The following MAP7 variants were observed in gnomAD, a reference collection of about 807,000 sequenced individuals.
The protein encoded by MAP7 is ensconsin.
In MAP7, 52 loss-of-function variants were observed where a neutral mutation model predicts 94.8. The ratio of observed to expected loss-of-function variants is 0.55; its 90% CI spans 0.44 to 0.69. The LOEUF (loss-of-function observed/expected upper bound fraction) is 0.69, where lower values mean the gene tolerates loss of function less well. Among genes scored for constraint, MAP7 ranks in the 30% least tolerant of loss-of-function variants. The pLI, the probability that MAP7 is intolerant of heterozygous loss-of-function variation, is 0.00. For synonymous variants in MAP7, 350 were observed against 357.0 expected (o/e 0.98, Z 0.22); for missense variants, 940 against 964.6 (o/e 0.97, Z 0.34).
intron 1 of MAP7, among the ~76,000 whole-genome samples, chr6:136,509,879 C>T (rs1434951937): frequency 6.6e-6 from 1 of 152,166 alleles, no homozygotes; most frequent in East Asian, 1.9e-4. Context: ...AAAACATCCT[C>T]AATATTCATA....
chr6:136,431,105 C>T (rs1415553951), intron 1 of MAP7, among the ~76,000 whole-genome samples: 1 of 152,150 alleles, frequency 6.6e-6, no homozygotes, highest in African/African-American at 2.4e-5. Context: ...GAATTCAATC[C>T]ATTTATAGTA....
intron 1 of MAP7, among the ~76,000 whole-genome samples, chr6:136,466,064 T>TG (rs1381674860): frequency 2.0e-5 from 3 of 152,202 alleles, no homozygotes; most frequent in African/African-American, 7.2e-5. Context: ...AAAGTTCCAA[T>TG]GCTTGTATTT....
At chr6:136,388,764 C>T (rs775573870) in intron 4 of MAP7, among the ~76,000 whole-genome samples, 12 of 152,094 alleles carry the variant, frequency 7.9e-5, no homozygotes, top group Non-Finnish European at 1.6e-4. Flanking sequence ...CTAGGGTGTG[C>T]GTGATGCTTT....
intron 1 of MAP7, among the ~76,000 whole-genome samples, chr6:136,458,683 A>G (rs531834968): frequency 3.0e-4 from 45 of 152,270 alleles, no homozygotes; most frequent in African/African-American, 1.0e-3. Context: ...CAGTCTCTTT[A>G]ACAAATAATG....
At chr6:136,411,593 G>C in intron 3 of MAP7, 27 bp downstream of exon 3, 3 of 1,548,840 alleles carry the variant, frequency 1.9e-6, no homozygotes, top group South Asian at 1.2e-5. Context: ...ATTCAAATCA[G>C]GGCCATGGAC....
chr6:136,505,969 T>G (rs1821390062), intron 1 of MAP7, among the ~76,000 whole-genome samples: 1 of 152,124 alleles, frequency 6.6e-6, no homozygotes, highest in Non-Finnish European at 1.5e-5. Context: ...AACATGCTGA[T>G]GTAACAAAAC....
chr6:136,396,869 T>C (rs1782630730), intron 3 of MAP7, among the ~76,000 whole-genome samples: 1 of 152,224 alleles, frequency 6.6e-6, no homozygotes, highest in Non-Finnish European at 1.5e-5. Context: ...TAGCTATTGT[T>C]GTTTTTGTCG....
chr6:136,470,468 G>T (rs1808598039), intron 1 of MAP7, among the ~76,000 whole-genome samples: 2 of 151,836 alleles, frequency 1.3e-5, no homozygotes, highest in South Asian at 4.2e-4. Flanking sequence ...TTATCATTTT[G>T]TGTGTGTGGT....
intron 1 of MAP7, among the ~76,000 whole-genome samples, chr6:136,508,795 T>C (rs566392515): frequency 6.6e-6 from 1 of 152,236 alleles, no homozygotes; most frequent in Admixed American, 6.5e-5. Flanking sequence ...GAAACTGAAA[T>C]AGGAAATTTA....
At chr6:136,505,269 G>GTATA (rs1201954440) in intron 1 of MAP7, among the ~76,000 whole-genome samples, 49 of 99,430 alleles carry the variant, frequency 4.9e-4, no homozygotes, top group African/African-American at 2.2e-3. Context: ...GTGTGTGTGT[G>GTATA]TGTGTGTGTA....
At chr6:136,384,178 G>A (rs1471024110) in intron 5 of MAP7, among the ~76,000 whole-genome samples, 5 of 152,092 alleles carry the variant, frequency 3.3e-5, no homozygotes, top group South Asian at 2.1e-4. Context: ...AACATAGAAC[G>A]CAAACACTGG....
chr6:136,416,370 T>G (rs1305100967), intron 2 of MAP7, among the ~76,000 whole-genome samples: 1 of 152,186 alleles, frequency 6.6e-6, no homozygotes, highest in Non-Finnish European at 1.5e-5. Flanking sequence ...AAATTTATCT[T>G]TAAAGGTAGG....
chr6:136,522,088 T>C (rs1826544147), intron 1 of MAP7, among the ~76,000 whole-genome samples: 1 of 152,222 alleles, frequency 6.6e-6, no homozygotes, highest in Admixed American at 6.5e-5. Flanking sequence ...TAATAATCGC[T>C]GTGCTCAGCA....
rs943848697 is a variant in MAP7 at position 136,431,631 on chromosome 6, C to T, written c.68-9832G>A. On this transcript the variant is annotated intron_variant, in intron 1 of 17. Transcript: ENST00000354570. ...CTCCTGGATTCAAGTGATTCTCCCG[C>T]CTTAGCCTCCCGAGTAGCTGGGACT... 2.0e-5 allele frequency among the ~76,000 whole-genome samples: 3 copies of T among 152,054 alleles called. 1 individual carries two copies. Among genetic ancestry groups the T allele is most frequent in the South Asian group, 4.1e-4 (2 of 4,836 alleles).
chr6:136,465,352 C>T (rs1225113021), intron 1 of MAP7, among the ~76,000 whole-genome samples: 1 of 152,124 alleles, frequency 6.6e-6, no homozygotes. Flanking sequence ...TACTGAGTAA[C>T]CTCTATTTCA....
At chr6:136,484,644 C>T (rs3778308) in intron 1 of MAP7, among the ~76,000 whole-genome samples, 51,673 of 152,016 alleles carry the variant, frequency 0.34, 13,333 homozygotes, top group African/African-American at 0.72. Context: ...ATTCTTAAAC[C>T]GTGAATCATA....
intron 1 of MAP7, among the ~76,000 whole-genome samples, chr6:136,423,703 T>C (rs1792162716): frequency 6.7e-6 from 1 of 150,082 alleles, no homozygotes; most frequent in South Asian, 2.1e-4. Flanking sequence ...TGTCTTTCAT[T>C]ATATTAAGTA....
In MAP7 at chr6:136,454,272, GATCTATCTATCT is replaced by G. The variant is rs57308742; in HGVS notation, c.68-32485_68-32474del. Among the ~76,000 whole-genome samples, 730 of 141,466 alleles carry G rather than the reference GATCTATCTATCT, an allele frequency of 5.2e-3. 2 individuals carry two copies. The highest frequency in any genetic ancestry group is 7.8e-3 in the Admixed American group (111 of 14,210). The allele number at this position is 141,466 out of a possible 152,430, so 92.8% of individuals were successfully genotyped here. The stretch of plus-strand genomic sequence containing the variant: ...CATGAAGACTTAACCCTACCTAAAT[GATCTATCTATCT>G]ATCTATCTATCTATCTATCTATCTA... On this transcript the variant is annotated intron_variant, in intron 1 of 17. Coordinates refer to ENST00000354570, the MANE Select transcript of MAP7 (RefSeq NM_003980.6).
intron 2 of MAP7, among the ~76,000 whole-genome samples, chr6:136,415,459 G>A (rs950962830): frequency 2.0e-5 from 3 of 152,082 alleles, no homozygotes; most frequent in African/African-American, 7.2e-5. Context: ...TGAAAAGAAG[G>A]CTTTAATAAC....
Sources: gnomAD v4.1 joint callset for allele counts (sites outside exome capture counted in the v4.1 genomes callset) on GRCh38, gnomAD v4.1.1 for gene constraint, MANE v1.5 for transcripts, NCBI Gene and HGNC (gene_info 2026-07-23, HGNC 2026-07-21) for gene names.